The following KIAA1671 variants were observed in gnomAD, a reference collection of about 807,000 sequenced individuals.
The protein encoded by KIAA1671 is KIAA1671, also known as uncharacterized protein KIAA1671.
In KIAA1671, 52 loss-of-function variants were observed where a neutral mutation model predicts 131.2. That is an observed-to-expected ratio of 0.40 (90% confidence interval 0.32 to 0.50). The LOEUF is 0.50. Among genes scored for constraint, KIAA1671 ranks in the 20% least tolerant of loss-of-function variants. KIAA1671 has a pLI of 0.73. For synonymous variants in KIAA1671, 1,003 were observed against 961.6 expected, an observed-to-expected ratio of 1.04 and a Z score of -0.80; for missense variants, 2,360 against 2,364.2, an observed-to-expected ratio of 1.00 and a Z score of 0.04.
chr22:25,193,289 G>A lies in KIAA1671; in HGVS notation c.*888G>A, dbSNP rs5996855. ...TTCTTTTCATTTGAGCTCTGGTTTC[G>A]GTAGGGTGACCTTTGCCCCTTGGCC... On this transcript the variant is annotated 3_prime_UTR_variant, in exon 13 of 13. Transcript: ENST00000358431. 0.33 allele frequency: 49,631 copies of A among 151,894 alleles called. 8,499 individuals carry two copies. The highest frequency in any genetic ancestry group is 0.47 in the East Asian group (2,433 of 5,146). The allele number at this position is 151,894 out of a possible 1,614,324, so 9.4% of individuals were successfully genotyped here.
rs115228946 is a variant in KIAA1671, at chr22:24,998,244, A to G, written c.-207-27389A>G. 9.7e-3 allele frequency among the ~76,000 whole-genome samples: 1,483 copies of G among 152,172 alleles called. 32 individuals are homozygous for G. Among genetic ancestry groups the G allele is most frequent in the African/African-American group, 0.034 (1,419 of 41,510 alleles). On this transcript the variant is annotated intron_variant, in intron 1 of 12. Transcript: ENST00000358431. The stretch of plus-strand genomic sequence containing the variant: ...GGTGAAACCCCATCTCTACAAAAAA[A>G]TAAAACACAACAACAAAAAATTAGA...
At position 25,181,891 on chromosome 22, in the gene KIAA1671, A is replaced by T. The variant is rs974958402; in HGVS notation, c.5199+68A>T. On this transcript the variant is annotated intron_variant, in intron 10 of 12. Coordinates refer to ENST00000358431, the MANE Select transcript of KIAA1671 (RefSeq NM_001145206.2). ...TCAACCTTAGCAGTGTAAAGAATAG[A>T]TTCCGGCTGGGTGCAGTGGCTCACG... is the stretch of plus-strand genomic sequence containing the variant. 7 of 1,510,688 alleles carry T rather than the reference A, an allele frequency of 4.6e-6. No individual in the cohort carries two copies. In the African/African-American group the frequency reaches 9.7e-5, roughly 21 times the overall value. The allele number at this position is 1,510,688 out of a possible 1,614,324, so 93.6% of individuals were successfully genotyped here.
At chr22:25,121,635 A>G (rs572789072) in intron 6 of KIAA1671, among the ~76,000 whole-genome samples, 1 of 152,190 alleles carries the variant, frequency 6.6e-6, no homozygotes, top group Non-Finnish European at 1.5e-5. Flanking sequence ...CTCCCACCAT[A>G]GCCAATTGTA....
chr22:25,049,446 T>C, intron 6 of KIAA1671, 82 bp downstream of exon 6: 3 of 1,468,102 alleles, frequency 2.0e-6, no homozygotes, highest in Non-Finnish European at 2.7e-6. Flanking sequence ...TGGTGGAGCA[T>C]CTGGACAGCC....
intron 6 of KIAA1671, among the ~76,000 whole-genome samples, chr22:25,109,406 C>A (rs1030805992): frequency 6.6e-6 from 1 of 152,266 alleles, no homozygotes; most frequent in African/African-American, 2.4e-5. Context: ...CCGCACCTGG[C>A]CCATCACTTC....
In KIAA1671 at chr22:25,029,132, C is replaced by T; in HGVS notation, c.1133C>T (p.Thr378Ile). The T allele has an allele frequency of 2.1e-6, 3 of 1,458,854 alleles. No individual in the cohort carries two copies. Among genetic ancestry groups the T allele is most frequent in the Middle Eastern group, 1.8e-4 (1 of 5,544 alleles). 90.4% of individuals were successfully genotyped at this position (1,458,854 alleles called of 1,614,324 possible). ...RALVGGSSGV[T>I]PSNDQSPWEE... ...CTGGTGGGGGGCTCATCTGGGGTCA[C>T]CCCCAGCAATGACCAGAGTCCCTGG... Residue 378 changes from threonine (T) to isoleucine (I), a missense_variant, in exon 3 of 13, where the codon ACC (threonine) becomes ATC (isoleucine). Physicochemically the swap from Thr to Ile is moderately conservative, Grantham distance 89. Around this residue, in one of 3 missense-constraint regions of KIAA1671, gnomAD observed 1,185 missense variants for 1,126.2 expected, o/e 1.05. Transcript: ENST00000358431.
chr22:25,184,356 G>T (rs200518135), intron 10 of KIAA1671, among the ~76,000 whole-genome samples: 1 of 152,206 alleles, frequency 6.6e-6, no homozygotes, highest in East Asian at 1.9e-4. Flanking sequence ...TAGAGCAAAA[G>T]TGATGGGTGA....
At chr22:24,981,390 T>A (rs1283105794) in intron 1 of KIAA1671, among the ~76,000 whole-genome samples, 1 of 152,082 alleles carries the variant, frequency 6.6e-6, no homozygotes, top group Non-Finnish European at 1.5e-5. Context: ...CACCCTGGTG[T>A]GTGTCTTTGG....
Position 25,041,082 on chromosome 22 carries a change from C to T in KIAA1671, c.3952C>T (p.Pro1318Ser). Reference protein sequence around the residue: ...YPGGSPIPADPRKKTGFAEDD... With the variant: ...YPGGSPIPADSRKKTGFAEDD... ...AGGGGGCTCTCCTATACCTGCGGAT[C>T]CCAGGAAAAAAACGGGGTTTGCTGA... The change falls in exon 5 of 13, where the codon CCC becomes TCC. Residue 1318 changes from proline (P) to serine (S), a missense_variant. Physicochemically the swap from Pro to Ser is moderately conservative, Grantham distance 74. Transcript: ENST00000358431. 6.5e-7 allele frequency: 1 copy of T among 1,539,712 alleles called. No individual in the cohort carries two copies. The highest frequency in any genetic ancestry group is 8.8e-7 in the Non-Finnish European group (1 of 1,140,914).
intron 12 of KIAA1671, among the ~76,000 whole-genome samples, chr22:25,191,616 T>C (rs1035217080): frequency 6.6e-6 from 1 of 152,222 alleles, no homozygotes; most frequent in Non-Finnish European, 1.5e-5. Context: ...ATCTGTAAAA[T>C]GGGTTAGCAG....
intron 6 of KIAA1671, among the ~76,000 whole-genome samples, chr22:25,090,178 C>T (rs1288076412): frequency 6.6e-6 from 1 of 152,198 alleles, no homozygotes; most frequent in Non-Finnish European, 1.5e-5. Context: ...GCTGTCAGGC[C>T]TCAGGGTTTG....
intron 1 of KIAA1671, among the ~76,000 whole-genome samples, chr22:24,980,401 A>G (rs1923167568): frequency 6.6e-6 from 1 of 150,970 alleles, no homozygotes; most frequent in South Asian, 2.1e-4. Context: ...CCTCCTGGGT[A>G]GCTGGGATTA....
At chr22:24,957,528 G>C (rs1404876663) in intron 1 of KIAA1671, among the ~76,000 whole-genome samples, 2 of 152,154 alleles carry the variant, frequency 1.3e-5, no homozygotes, top group Non-Finnish European at 2.9e-5. Context: ...GATTATAGGA[G>C]TGTGAACCTA....
intron 6 of KIAA1671, among the ~76,000 whole-genome samples, chr22:25,066,438 C>G (rs949098622): frequency 2.0e-5 from 3 of 152,164 alleles, no homozygotes; most frequent in Admixed American, 1.3e-4. Context: ...GGTGAGCCAC[C>G]ATGCCTGACC....
chr22:24,961,618 G>A (rs1180639788), intron 1 of KIAA1671, among the ~76,000 whole-genome samples: 2 of 152,226 alleles, frequency 1.3e-5, no homozygotes, highest in Non-Finnish European at 2.9e-5. Context: ...GCCAGGGCGT[G>A]TTCTTCTGTG....
chr22:25,166,320 C>T (rs185160985), intron 6 of KIAA1671, among the ~76,000 whole-genome samples: 39 of 152,146 alleles, frequency 2.6e-4, no homozygotes, highest in African/African-American at 8.9e-4. Flanking sequence ...AGTTCAGATC[C>T]CTGAACCTGA....
At chr22:24,963,602 G>A (rs1602029310) in intron 1 of KIAA1671, among the ~76,000 whole-genome samples, 1 of 152,148 alleles carries the variant, frequency 6.6e-6, no homozygotes, top group South Asian at 2.1e-4. Context: ...GGCAGCCCTT[G>A]ACCTGTGCGC....
rs1931349103 is a variant in KIAA1671, at chr22:25,111,610, A to C, written c.4531-59210A>C. Among the ~76,000 whole-genome samples, 3 of 152,216 alleles carry C rather than the reference A, an allele frequency of 2.0e-5. No individual in the cohort carries two copies. The South Asian group carries it at 6.2e-4, about 31-fold the overall frequency. On this transcript the variant is annotated intron_variant, in intron 6 of 12. Coordinates refer to ENST00000358431, the MANE Select transcript of KIAA1671 (RefSeq NM_001145206.2). ...TCCAGCCAGAGGACAGAAAACCTGC[A>C]TGGGTCAGGTGAGCGGGGTCTGGCC...
intron 1 of KIAA1671, among the ~76,000 whole-genome samples, chr22:24,957,186 C>T (rs1242858439): frequency 6.6e-6 from 1 of 151,968 alleles, no homozygotes; most frequent in Non-Finnish European, 1.5e-5. Context: ...CTGGTGTGTG[C>T]CTGTGTGTGT....
Sources: allele counts gnomAD v4.1 joint callset (sites outside exome capture counted in the v4.1 genomes callset), GRCh38; gene constraint gnomAD v4.1.1; regional missense constraint gnomAD v4.1.1; transcripts MANE v1.5; gene names NCBI Gene and HGNC (gene_info 2026-07-23, HGNC 2026-07-21).